EPS8: variants seen among roughly 807,000 people sequenced by gnomAD.
The protein encoded by EPS8 is epidermal growth factor receptor kinase substrate 8.
A neutral mutation model predicts 103.8 loss-of-function variants in EPS8; 42 were observed. The ratio of observed to expected loss-of-function variants is 0.40; its 90% CI spans 0.32 to 0.52. The LOEUF (loss-of-function observed/expected upper bound fraction) is 0.52, where lower values mean the gene tolerates loss of function less well. Among genes scored for constraint, EPS8 ranks in the 20% least tolerant of loss-of-function variants. The pLI, the probability that EPS8 is intolerant of heterozygous loss-of-function variation, is 0.40. For synonymous variants in EPS8, 344 were observed against 344.6 expected, an observed-to-expected ratio of 1.00 and a Z score of 0.02; for missense variants, 969 against 1,005.1, an observed-to-expected ratio of 0.96 and a Z score of 0.49.
rs1945591834 is a variant in EPS8, at chr12:15,660,753, A to G, written c.811-13T>C. ...GGTTTAAGATTTGCTGAAATTAGAA[A>G]TTATAGAATAAAATATAAAACAAAA... is the stretch of plus-strand genomic sequence containing the variant. On this transcript the variant is annotated splice_polypyrimidine_tract_variant and intron_variant, in intron 9 of 20. Coordinates refer to ENST00000281172, the MANE Select transcript of EPS8 (RefSeq NM_004447.6). The G allele has an allele frequency of 8.3e-6, 12 of 1,449,476 alleles. No homozygotes were observed. The highest frequency in any genetic ancestry group is 1.1e-5 in the Non-Finnish European group (11 of 1,040,298). The allele number at this position is 1,449,476 out of a possible 1,614,324, so 89.8% of individuals were successfully genotyped here.
chr12:15,641,913 C>T, intron 15 of EPS8, 83 bp from the exon 16 acceptor site: 1 of 581,930 alleles, frequency 1.7e-6, no homozygotes, highest in Non-Finnish European at 2.8e-6. Flanking sequence ...CAAGCCAAAT[C>T]CTACCAGAAA....
chr12:15,629,387 T>C (rs1257595768), intron 18 of EPS8, among the ~76,000 whole-genome samples: 1 of 152,214 alleles, frequency 6.6e-6, no homozygotes, highest in African/African-American at 2.4e-5. Flanking sequence ...TGCTGACGTC[T>C]CTACGGAGGG....
Position 15,702,742 on chromosome 12 carries a change from C to G in EPS8, c.-21-19770G>C, listed in dbSNP as rs1946326918. Reference sequence around the variant, plus strand: ...GCATGCTTAATATTTTACCTATATCCAATACATATATATCCAGTATATTAA... The same window carrying G: ...GCATGCTTAATATTTTACCTATATCGAATACATATATATCCAGTATATTAA... On this transcript the variant is annotated intron_variant, in intron 1 of 20. Coordinates refer to ENST00000281172, the MANE Select transcript of EPS8 (RefSeq NM_004447.6). The surrounding 1 kb of genome is among the most constrained non-coding windows in gnomAD (Gnocchi z 5.1). Among the ~76,000 whole-genome samples the G allele has an allele frequency of 6.6e-6, 1 of 151,844 alleles. No individual in the cohort carries two copies. Among genetic ancestry groups the G allele is most frequent in the South Asian group, 2.1e-4 (1 of 4,820 alleles).
At chr12:15,662,683 T>C in intron 8 of EPS8, 1 of 981,334 alleles carries the variant, frequency 1.0e-6, no homozygotes. Flanking sequence ...TTAAGACCAT[T>C]CAGGGTATTA....
At position 15,744,140 on chromosome 12, in the gene EPS8, A is replaced by G. The variant is rs557533345; in HGVS notation, c.-22+45021T>C. 3.2e-4 allele frequency among the ~76,000 whole-genome samples: 48 copies of G among 152,350 alleles called. 2 individuals carry two copies. The highest frequency in any genetic ancestry group is 1.2e-3 in the African/African-American group (48 of 41,586). On this transcript the variant is annotated intron_variant, in intron 1 of 20. Coordinates refer to ENST00000281172, the MANE Select transcript of EPS8 (RefSeq NM_004447.6). ...ACTTCTCAAAAGAAGACATTTATGC[A>G]GCCAACAGACACATGAAAAAATGCC...
intron 20 of EPS8, among the ~76,000 whole-genome samples, chr12:15,622,806 A>G (rs1944881597): frequency 6.6e-6 from 1 of 152,122 alleles, no homozygotes; most frequent in African/African-American, 2.4e-5. Flanking sequence ...AAATATTAAG[A>G]ATAGGCAAGG....
At chr12:15,644,158 C>G (rs977037696) in intron 15 of EPS8, among the ~76,000 whole-genome samples, 2 of 152,180 alleles carry the variant, frequency 1.3e-5, no homozygotes, top group Non-Finnish European at 2.9e-5. Context: ...TGAGTCTCAG[C>G]CAATCCCAGC....
At chr12:15,746,554 C>T (rs910944110) in intron 1 of EPS8, among the ~76,000 whole-genome samples, 1 of 152,062 alleles carries the variant, frequency 6.6e-6, no homozygotes, top group Non-Finnish European at 1.5e-5. Flanking sequence ...AGAATTTATT[C>T]AAAAAGCACT....
At chr12:15,758,629 C>T (rs1355446686) in intron 1 of EPS8, among the ~76,000 whole-genome samples, 1 of 152,166 alleles carries the variant, frequency 6.6e-6, no homozygotes, top group Non-Finnish European at 1.5e-5. Context: ...TAACTAAACG[C>T]AACACATTGG....
At position 15,717,373 on chromosome 12, in the gene EPS8, G is replaced by T. The variant is rs1946543826; in HGVS notation, c.-21-34401C>A. Among the ~76,000 whole-genome samples, 1 of 152,192 alleles carries T rather than the reference G, an allele frequency of 6.6e-6. No homozygotes were observed. The highest frequency in any genetic ancestry group is 1.5e-5 in the Non-Finnish European group (1 of 68,042). ...AGGCCGAGGCAAGTGGATCATCTGAGGTCAGGAGTTCAAGACCAGCCTGGG... is the reference window on the plus strand; with the variant it reads ...AGGCCGAGGCAAGTGGATCATCTGATGTCAGGAGTTCAAGACCAGCCTGGG... On this transcript the variant is annotated intron_variant, in intron 1 of 20. Transcript: ENST00000281172. This position sits in a 1 kb window ranked among gnomAD's most constrained non-coding sequence, Gnocchi z 4.3.
At position 15,693,305 on chromosome 12, in the gene EPS8, C is replaced by T. The variant is rs904188272; in HGVS notation, c.-21-10333G>A. 4.6e-5 allele frequency among the ~76,000 whole-genome samples: 7 copies of T among 152,198 alleles called. No individual in the cohort carries two copies. The highest frequency in any genetic ancestry group is 1.0e-4 in the Non-Finnish European group (7 of 68,034). ...CAGGGTTGTCTTACTGTTTACTAAG[C>T]ATTTCATTTCATCTTTCACCCTCTG... On this transcript the variant is annotated intron_variant, in intron 1 of 20. Transcript: ENST00000281172. This position sits in a 1 kb window ranked among gnomAD's most constrained non-coding sequence, Gnocchi z 5.6.
In EPS8 at chr12:15,722,192, G is replaced by A. The variant is rs551627455; in HGVS notation, c.-21-39220C>T. Among the ~76,000 whole-genome samples the A allele has an allele frequency of 1.4e-4, 20 of 144,378 alleles. No homozygotes were observed. The South Asian group carries it at 4.0e-3, about 29-fold the overall frequency. 94.7% of individuals were successfully genotyped at this position (144,378 alleles called of 152,430 possible). A position where few individuals can be genotyped will look rare whatever the true frequency, so the allele number is the denominator to read the frequency against. On this transcript the variant is annotated intron_variant, in intron 1 of 20. Coordinates refer to ENST00000281172, the MANE Select transcript of EPS8 (RefSeq NM_004447.6). The stretch of plus-strand genomic sequence containing the variant: ...AAAATACACTAACGATAGCTGATGA[G>A]GTACAAAAAAAAAAACGCAAGAAAA...
Position 15,631,661 on chromosome 12 carries a change from G to C in EPS8, c.1825C>G (p.Gln609Glu). 1 of 1,605,426 alleles carries C rather than the reference G, an allele frequency of 6.2e-7. No homozygotes were observed. The highest frequency in any genetic ancestry group is 8.5e-7 in the Non-Finnish European group (1 of 1,175,812). The change falls in exon 18 of 21, where the codon CAA becomes GAA. Residue 609 changes from glutamine to glutamate, a missense_variant. Coordinates refer to ENST00000281172, the MANE Select transcript of EPS8 (RefSeq NM_004447.6). ...GGTCTTGGGCCATACTCCATCCTTT[G>C]TTTCTATAAAAAGACAAATAATTAA... The part of the protein sequence containing the change: ...DPPYTHTIQK[Q>E]RMEYGPRPAD...
In EPS8 at chr12:15,690,538, CAG is replaced by C. The variant is rs1946157526; in HGVS notation, c.-21-7568_-21-7567del. Among the ~76,000 whole-genome samples, 1 of 152,138 alleles carries C rather than the reference CAG, an allele frequency of 6.6e-6. No individual in the cohort carries two copies. Among genetic ancestry groups the C allele is most frequent in the African/African-American group, 2.4e-5 (1 of 41,436 alleles). On this transcript the variant is annotated intron_variant, in intron 1 of 20. Coordinates refer to ENST00000281172, the MANE Select transcript of EPS8 (RefSeq NM_004447.6). This position sits in a 1 kb window ranked among gnomAD's most constrained non-coding sequence, Gnocchi z 4.7. ...CATTGATTGTTTTGATAAGGGAACA[CAG>C]AGGTATTATATCTTATCAAGGATTA...
chr12:15,736,967 T>C lies in EPS8; in HGVS notation c.-22+52194A>G, dbSNP rs1369552302. On this transcript the variant is annotated intron_variant, in intron 1 of 20. Coordinates refer to ENST00000281172, the MANE Select transcript of EPS8 (RefSeq NM_004447.6). The surrounding 1 kb of genome is among the most constrained non-coding windows in gnomAD (Gnocchi z 4.2). ...TCTTCATATTTAAAGTAACATACTT[T>C]AATTCATGTAGCTAGACAGCTAGGA... Among the ~76,000 whole-genome samples, 1 of 152,178 alleles carries C rather than the reference T, an allele frequency of 6.6e-6. No homozygotes were observed. Among genetic ancestry groups the C allele is most frequent in the African/African-American group, 2.4e-5 (1 of 41,460 alleles).
intron 1 of EPS8, among the ~76,000 whole-genome samples, chr12:15,788,476 G>A (rs1202197511): frequency 2.0e-5 from 3 of 152,138 alleles, no homozygotes; most frequent in Non-Finnish European, 4.4e-5. Flanking sequence ...GTAGTCCTAG[G>A]AAGGAAAGTA....
chr12:15,781,476 AT>A lies in EPS8; in HGVS notation c.-22+7684del, dbSNP rs1401645167. On this transcript the variant is annotated intron_variant, in intron 1 of 20. Transcript: ENST00000281172. This position sits in a 1 kb window ranked among gnomAD's most constrained non-coding sequence, Gnocchi z 4.1. Reference sequence around the variant, plus strand: ...CAAGTCACTTTTTCTTTCTGGGCCTATTCCTTTATCTGTAATTCTGAGATAA... The same window carrying A: ...CAAGTCACTTTTTCTTTCTGGGCCTATCCTTTATCTGTAATTCTGAGATAA... Among the ~76,000 whole-genome samples, 1 of 152,146 alleles carries A rather than the reference AT, an allele frequency of 6.6e-6. No homozygotes were observed. The highest frequency in any genetic ancestry group is 1.5e-5 in the Non-Finnish European group (1 of 68,034).
At chr12:15,627,342 T>G (rs933886034) in intron 18 of EPS8, among the ~76,000 whole-genome samples, 1 of 152,306 alleles carries the variant, frequency 6.6e-6, no homozygotes. Flanking sequence ...TTCATTAAAA[T>G]ATAAGCCTGA....
Position 15,621,343 on chromosome 12 carries a change from A to G in EPS8, c.2443T>C (p.Ser815Pro). 6.3e-7 allele frequency: 1 copy of G among 1,591,588 alleles called. No homozygotes were observed. Among genetic ancestry groups the G allele is most frequent in the Non-Finnish European group, 8.5e-7 (1 of 1,170,860 alleles). The change falls in exon 21 of 21, where the codon TCT becomes CCT. Residue 815 changes from serine to proline, a missense_variant. Coordinates refer to ENST00000281172, the MANE Select transcript of EPS8 (RefSeq NM_004447.6). ...TAGTGACTGCTTCCTTCATCAAAAG[A>G]TTCCACTCCTGAATCACTAGCGGCA... ...SAAASDSGVE[S>P]FDEGSSH
Sources: allele counts gnomAD v4.1 joint callset (sites outside exome capture counted in the v4.1 genomes callset), GRCh38; gene constraint gnomAD v4.1.1; non-coding constraint Gnocchi (gnomAD v3.1); transcripts MANE v1.5; gene names NCBI Gene and HGNC (gene_info 2026-07-23, HGNC 2026-07-21).